The following FRMPD4 variants were observed in gnomAD, a reference collection of about 807,000 sequenced individuals.
FRMPD4 encodes the protein FERM and PDZ domain-containing protein 4.
In FRMPD4, 22 loss-of-function variants were observed where a neutral mutation model predicts 94.1. The observed-to-expected ratio is 0.23, with a 90% CI of 0.17 to 0.33. The LOEUF (loss-of-function observed/expected upper bound fraction) is 0.33. Ranked by LOEUF, FRMPD4 falls within the 10% of genes least tolerant of loss-of-function variation. FRMPD4 has a pLI of 1.00. For synonymous variants in FRMPD4, 631 were observed against 548.6 expected (o/e 1.15, Z -2.10); for missense variants, 1,111 against 1,339.9 (o/e 0.83, Z 2.67).
chrX:11,968,518 C>T (rs1252314152), intron 3 of FRMPD4, among the ~76,000 whole-genome samples: 1 of 111,531 alleles, frequency 9.0e-6, no homozygotes, highest in Non-Finnish European at 1.9e-5. Context: ...GTTTACATAG[C>T]ATTTTCGCTT....
chrX:11,896,226 C>T (rs2053902961), intron 3 of FRMPD4, among the ~76,000 whole-genome samples: 1 of 112,125 alleles, frequency 8.9e-6, no homozygotes, highest in Admixed American at 9.4e-5. Flanking sequence ...CAAACTCAAC[C>T]ACATGACTCG....
At chrX:12,582,977 C>T (rs768517049) in intron 2 of FRMPD4, among the ~76,000 whole-genome samples, 4 of 112,258 alleles carry the variant, frequency 3.6e-5, no homozygotes, top group Non-Finnish European at 5.6e-5. Context: ...TTGCTTGCAA[C>T]TCGCCTGCCT....
At chrX:11,826,925 G>A (rs958928181) in intron 1 of FRMPD4, among the ~76,000 whole-genome samples, 1 of 108,981 alleles carries the variant, frequency 9.2e-6, no homozygotes, top group Non-Finnish European at 1.9e-5. Context: ...AAGGCTCAGA[G>A]AAAGGTATGA....
chrX:12,355,949 G>A (rs780403010), intron 1 of FRMPD4, among the ~76,000 whole-genome samples: 1 of 111,854 alleles, frequency 8.9e-6, no homozygotes, highest in Non-Finnish European at 1.9e-5. Flanking sequence ...CCATCTTGAG[G>A]TTACAGAAAG....
intron 1 of FRMPD4, among the ~76,000 whole-genome samples, chrX:12,179,593 A>G (rs1364251436): frequency 9.0e-6 from 1 of 111,724 alleles, no homozygotes; most frequent in Admixed American, 9.5e-5. Flanking sequence ...CAAGTATGCA[A>G]GAAATATATG....
At chrX:12,244,770 G>T (rs2053930059) in intron 1 of FRMPD4, among the ~76,000 whole-genome samples, 1 of 112,500 alleles carries the variant, frequency 8.9e-6, no homozygotes, top group Admixed American at 9.4e-5. Flanking sequence ...GTTCCAGTGG[G>T]TCTGTTTGCA....
intron 2 of FRMPD4, among the ~76,000 whole-genome samples, chrX:12,542,894 C>T (rs1460817993): frequency 8.9e-6 from 1 of 111,842 alleles, no homozygotes; most frequent in Non-Finnish European, 1.9e-5. Flanking sequence ...AACAGAGATA[C>T]AGACCAATGG....
chrX:12,360,992 C>G (rs1372240019), intron 1 of FRMPD4, among the ~76,000 whole-genome samples: 2 of 107,416 alleles, frequency 1.9e-5, no homozygotes, highest in African/African-American at 6.8e-5. Context: ...TATTTTGAAC[C>G]CTGCAGACCT....
At chrX:12,231,015 T>C (rs2056989505) in intron 1 of FRMPD4, among the ~76,000 whole-genome samples, 1 of 56,439 alleles carries the variant, frequency 1.8e-5, no homozygotes, top group Non-Finnish European at 3.2e-5. Flanking sequence ...ATATAGTATA[T>C]ATAGTATATA....
intron 1 of FRMPD4, among the ~76,000 whole-genome samples, chrX:12,225,962 G>T (rs1258188220): frequency 8.9e-6 from 1 of 111,907 alleles, no homozygotes; most frequent in African/African-American, 3.3e-5. Context: ...CCTGCCTGGG[G>T]TCAGATGATA....
rs191285738 is a variant in FRMPD4 at position 12,143,792 on chromosome X, C to T, written c.41+4780C>T. Among the ~76,000 whole-genome samples the T allele has an allele frequency of 5.9e-4, 66 of 112,268 alleles. 1 individual carries two copies. The highest frequency in any genetic ancestry group is 2.1e-3 in the African/African-American group (64 of 30,922). ...AATGCACATTACCAGTTAATATAGA[C>T]CTTATCTTTATTGAAACTTCTGATC... is the stretch of plus-strand genomic sequence containing the variant. On this transcript the variant is annotated intron_variant, in intron 1 of 16. Coordinates refer to ENST00000675598, the MANE Select transcript of FRMPD4 (RefSeq NM_001368397.1).
intron 1 of FRMPD4, among the ~76,000 whole-genome samples, chrX:12,152,572 G>C (rs1447018564): frequency 9.0e-6 from 1 of 111,049 alleles, no homozygotes; most frequent in Non-Finnish European, 1.9e-5. Flanking sequence ...ATCAACCCCG[G>C]AGAAAATATA....
chrX:12,309,908 A>G (rs899874684), intron 1 of FRMPD4, among the ~76,000 whole-genome samples: 1 of 112,222 alleles, frequency 8.9e-6, no homozygotes, highest in Non-Finnish European at 1.9e-5. Flanking sequence ...TTGAATCACA[A>G]AGGACATCTG....
chrX:12,401,550 G>T (rs1426139727), intron 1 of FRMPD4, among the ~76,000 whole-genome samples: 1 of 111,684 alleles, frequency 9.0e-6, no homozygotes, highest in Admixed American at 9.5e-5. Flanking sequence ...CACTCTCCCT[G>T]TCTTTGGGAG....
chrX:12,090,808 T>A (rs1035245635), intron 3 of FRMPD4, among the ~76,000 whole-genome samples: 4 of 112,747 alleles, frequency 3.5e-5, no homozygotes, highest in Non-Finnish European at 7.5e-5. Flanking sequence ...TCGGATACTT[T>A]AAACTCATAT....
rs191625600 is a variant in FRMPD4, at chrX:12,625,314, T to C, written c.422+10433T>C. 5.4e-5 allele frequency among the ~76,000 whole-genome samples: 6 copies of C among 111,594 alleles called. No homozygotes were observed. In the Admixed American group the frequency reaches 5.7e-4, roughly 11 times the overall value. The stretch of plus-strand genomic sequence containing the variant: ...ACATATTCAAAATAAAGGAAATCAA[T>C]CTATCAAAGAGATATCTGCACTCTC... On this transcript the variant is annotated intron_variant, in intron 4 of 16. Transcript: ENST00000675598.
intron 2 of FRMPD4, among the ~76,000 whole-genome samples, chrX:12,526,876 C>T (rs1291299491): frequency 8.9e-6 from 1 of 112,070 alleles, no homozygotes; most frequent in African/African-American, 3.2e-5. Flanking sequence ...AGAAATTACT[C>T]ACAGGTGGTG....
chrX:12,409,260 G>A (rs2056703293), intron 1 of FRMPD4, among the ~76,000 whole-genome samples: 1 of 111,561 alleles, frequency 9.0e-6, no homozygotes. Flanking sequence ...GACCTTGTTG[G>A]GGGCAGGTCA....
chrX:12,531,977 ACACT>A (rs773364632), intron 2 of FRMPD4, among the ~76,000 whole-genome samples: 2 of 111,907 alleles, frequency 1.8e-5, no homozygotes, highest in East Asian at 5.6e-4. Flanking sequence ...AAGTCTTCAA[ACACT>A]CACAATCGAT....
Sources: allele counts gnomAD v4.1 joint callset (sites outside exome capture counted in the v4.1 genomes callset), GRCh38; gene constraint gnomAD v4.1.1; transcripts MANE v1.5; gene names NCBI Gene and HGNC (gene_info 2026-07-23, HGNC 2026-07-21).